Variants in INPP4B observed in about 807,000 individuals in gnomAD.
INPP4B encodes inositol polyphosphate-4-phosphatase type II B.
Under a neutral mutation model 122.5 loss-of-function variants are expected in INPP4B, and 55 were observed. The ratio of observed to expected loss-of-function variants is 0.45; its 90% CI spans 0.36 to 0.56. INPP4B has a LOEUF of 0.56. Among genes scored for constraint, INPP4B ranks in the 20% least tolerant of loss-of-function variants. INPP4B has a pLI of 0.00. For missense variants in INPP4B, 1,000 were observed against 1,097.7 expected, an observed-to-expected ratio of 0.91 and a Z score of 1.26; for synonymous variants, 403 against 388.7, an observed-to-expected ratio of 1.04 and a Z score of -0.43.
chr4:142,040,493 C>T (rs955446427), intron 25 of INPP4B, among the ~76,000 whole-genome samples: 4 of 152,128 alleles, frequency 2.6e-5, no homozygotes, highest in African/African-American at 7.2e-5. Flanking sequence ...ACTTTCCACC[C>T]ACTTTGCTAG....
At position 142,260,493 on chromosome 4, in the gene INPP4B, T is replaced by C; in HGVS notation, c.687A>G (p.Ser229=). The change falls in exon 11 of 26, where the codon TCA becomes TCG. Residue 229 remains serine, a splice_region_variant and synonymous_variant. Transcript: ENST00000262992. ...AGTATTTAAAACTGAGTTACATACC[T>C]GAATTCAAAAAAGGTAAGTTATCTT... ...SGKDNLPFLN[S]VLKNPVCKLY... The C allele has an allele frequency of 6.3e-7, 1 of 1,588,966 alleles. No homozygotes were observed. The highest frequency in any genetic ancestry group is 1.3e-5 in the African/African-American group (1 of 74,258).
At chr4:142,344,095 A>G (rs1186650696) in intron 7 of INPP4B, among the ~76,000 whole-genome samples, 2 of 152,074 alleles carry the variant, frequency 1.3e-5, no homozygotes, top group South Asian at 2.1e-4. Context: ...TTATCTTTCT[A>G]ATAATAGCTA....
intron 2 of INPP4B, among the ~76,000 whole-genome samples, chr4:142,499,814 T>C (rs1375510600): frequency 1.3e-5 from 2 of 152,142 alleles, no homozygotes; most frequent in African/African-American, 2.4e-5. Context: ...TAAGAAATTA[T>C]TTAAAACCTC....
intron 11 of INPP4B, among the ~76,000 whole-genome samples, chr4:142,245,189 T>C (rs961126931): frequency 7.2e-5 from 11 of 152,204 alleles, no homozygotes; most frequent in African/African-American, 1.7e-4. Flanking sequence ...ACTCTGATGA[T>C]AGTTTCTTTT....
intron 16 of INPP4B, among the ~76,000 whole-genome samples, chr4:142,169,889 T>A (rs1824718312): frequency 6.6e-6 from 1 of 151,644 alleles, no homozygotes; most frequent in Admixed American, 6.6e-5. Context: ...AATAATGACT[T>A]ATTAAACAAG....
At chr4:142,466,558 T>C (rs1466318776) in intron 2 of INPP4B, among the ~76,000 whole-genome samples, 1 of 152,246 alleles carries the variant, frequency 6.6e-6, no homozygotes, top group East Asian at 1.9e-4. Flanking sequence ...TTGAAAAATT[T>C]GCAGCCTGAC....
chr4:142,307,196 G>A (rs1280963316), intron 8 of INPP4B, among the ~76,000 whole-genome samples: 4 of 152,104 alleles, frequency 2.6e-5, no homozygotes, highest in Middle Eastern at 3.2e-3. Context: ...TCAGCCAGGG[G>A]CAGAGAGGAC....
intron 18 of INPP4B, among the ~76,000 whole-genome samples, chr4:142,140,475 G>T (rs1357191343): frequency 6.6e-6 from 1 of 152,182 alleles, no homozygotes; most frequent in East Asian, 1.9e-4. Flanking sequence ...GTTCCTTTTA[G>T]TGATGTGCCT....
intron 7 of INPP4B, among the ~76,000 whole-genome samples, chr4:142,387,569 A>C (rs1422424340): frequency 6.6e-6 from 1 of 152,074 alleles, no homozygotes; most frequent in African/African-American, 2.4e-5. Flanking sequence ...GGGTTAGGTC[A>C]CTAGGGCCAC....
intron 21 of INPP4B, among the ~76,000 whole-genome samples, chr4:142,118,357 G>T (rs891286028): frequency 1.1e-4 from 17 of 149,940 alleles, no homozygotes; most frequent in Non-Finnish European, 2.4e-4. Flanking sequence ...GCCAAAAGAA[G>T]AAAGCTGGAG....
chr4:142,037,643 A>G (rs1299874670), intron 25 of INPP4B, among the ~76,000 whole-genome samples: 4 of 152,194 alleles, frequency 2.6e-5, no homozygotes, highest in Non-Finnish European at 2.9e-5. Flanking sequence ...AGCTATGGGT[A>G]TACCATCCTG....
intron 24 of INPP4B, among the ~76,000 whole-genome samples, chr4:142,082,814 T>A (rs549528572): frequency 1.1e-4 from 17 of 152,262 alleles, no homozygotes; most frequent in African/African-American, 4.1e-4. Context: ...AAATTTCATA[T>A]ACATTTGCTC....
At chr4:142,786,310 G>T (rs1027128117) in intron 1 of INPP4B, among the ~76,000 whole-genome samples, 6 of 152,082 alleles carry the variant, frequency 3.9e-5, no homozygotes, top group Non-Finnish European at 7.4e-5. Flanking sequence ...CAAAGGAGCA[G>T]AGGAGACAAG....
intron 1 of INPP4B, among the ~76,000 whole-genome samples, chr4:142,800,394 AG>A (rs1244748454): frequency 1.3e-5 from 2 of 152,184 alleles, no homozygotes; most frequent in African/African-American, 4.8e-5. Flanking sequence ...CTTATTTACA[AG>A]GCTGTAAAGA....
chr4:142,617,629 C>G (rs1010313853), intron 2 of INPP4B, among the ~76,000 whole-genome samples: 4 of 152,094 alleles, frequency 2.6e-5, no homozygotes, highest in Admixed American at 2.0e-4. Context: ...GAGCAATAAA[C>G]AACGAGCTGG....
chr4:142,152,573 G>A (rs943967304), intron 17 of INPP4B, among the ~76,000 whole-genome samples: 3 of 152,022 alleles, frequency 2.0e-5, no homozygotes, highest in African/African-American at 2.4e-5. Flanking sequence ...AATTTTGGGC[G>A]TTTTTAAATT....
intron 7 of INPP4B, among the ~76,000 whole-genome samples, chr4:142,321,809 T>C (rs914399764): frequency 4.0e-5 from 6 of 151,228 alleles, no homozygotes; most frequent in African/African-American, 1.5e-4. Flanking sequence ...CCTATTTTTA[T>C]ACCAGTACCA....
At chr4:142,826,631 TA>T (rs1190197410) in intron 1 of INPP4B, among the ~76,000 whole-genome samples, 3 of 152,014 alleles carry the variant, frequency 2.0e-5, no homozygotes, top group Non-Finnish European at 1.5e-5. Flanking sequence ...GCCTCTCTGA[TA>T]TTTTGGTTAC....
At chr4:142,382,896 G>T (rs1383095348) in intron 7 of INPP4B, among the ~76,000 whole-genome samples, 1 of 151,566 alleles carries the variant, frequency 6.6e-6, no homozygotes, top group African/African-American at 2.4e-5. Flanking sequence ...TAATAATGAT[G>T]ATAGTGGTTA....
Sources: allele counts gnomAD v4.1 joint callset (sites outside exome capture counted in the v4.1 genomes callset), GRCh38; gene constraint gnomAD v4.1.1; transcripts MANE v1.5; gene names NCBI Gene and HGNC (gene_info 2026-07-23, HGNC 2026-07-21).